PDSS2: variants seen among roughly 807,000 people sequenced by gnomAD.
PDSS2 encodes decaprenyl diphosphate synthase subunit 2.
In PDSS2, 31 loss-of-function variants were observed where a neutral mutation model predicts 44.5. That is an observed-to-expected ratio of 0.70 (90% CI 0.52 to 0.94). PDSS2 has a LOEUF of 0.94. Ranked by LOEUF, PDSS2 falls within the 40% of genes least tolerant of loss-of-function variation. The pLI, the probability that PDSS2 is intolerant of heterozygous loss-of-function variation, is 0.00. For missense variants in PDSS2, 452 were observed against 482.2 expected, an observed-to-expected ratio of 0.94 and a Z score of 0.59; for synonymous variants, 157 against 180.3, an observed-to-expected ratio of 0.87 and a Z score of 1.03.
At chr6:107,240,783 T>G (rs1192557251) in intron 4 of PDSS2, among the ~76,000 whole-genome samples, 1 of 151,956 alleles carries the variant, frequency 6.6e-6, no homozygotes, top group Non-Finnish European at 1.5e-5. Flanking sequence ...TGAGCTAACA[T>G]TTAAAAAGCA....
intron 1 of PDSS2, among the ~76,000 whole-genome samples, chr6:107,380,263 T>C (rs913222360): frequency 2.0e-5 from 3 of 152,152 alleles, no homozygotes; most frequent in African/African-American, 7.2e-5. Flanking sequence ...TCTGTTGACG[T>C]GGTAGGAAGG....
At chr6:107,342,360 C>T (rs1778107516) in intron 1 of PDSS2, among the ~76,000 whole-genome samples, 1 of 152,150 alleles carries the variant, frequency 6.6e-6, no homozygotes, top group Admixed American at 6.5e-5. Flanking sequence ...ACTGGTTCCT[C>T]TTCCTCTTGA....
At chr6:107,302,775 T>C (rs1252559816) in intron 2 of PDSS2, among the ~76,000 whole-genome samples, 1 of 151,614 alleles carries the variant, frequency 6.6e-6, no homozygotes, top group Non-Finnish European at 1.5e-5. Context: ...AGCCGTCAAC[T>C]GCATGTAGCT....
intron 1 of PDSS2, among the ~76,000 whole-genome samples, chr6:107,446,242 G>C (rs1242216234): frequency 4.6e-5 from 7 of 152,040 alleles, no homozygotes; most frequent in African/African-American, 1.7e-4. Flanking sequence ...CTTGAACCCA[G>C]GAGGTGGAGG....
rs570596541 is a variant in PDSS2 at position 107,203,496 on chromosome 6, T to C, written c.1008+6943A>G. 7.2e-5 allele frequency among the ~76,000 whole-genome samples: 11 copies of C among 152,216 alleles called. No homozygotes were observed. The South Asian group carries it at 2.3e-3, about 32-fold the overall frequency. ...TCTCCTTGCTTTTAGTATCTCTTTGTTCCTTTCATCGTATATAATATAGCC... is the reference window on the plus strand; with the variant it reads ...TCTCCTTGCTTTTAGTATCTCTTTGCTCCTTTCATCGTATATAATATAGCC... On this transcript the variant is annotated intron_variant, in intron 6 of 7. Transcript: ENST00000369037.
At chr6:107,379,417 CCTATTTGG>C (rs1465294318) in intron 1 of PDSS2, among the ~76,000 whole-genome samples, 1 of 152,128 alleles carries the variant, frequency 6.6e-6, no homozygotes, top group Non-Finnish European at 1.5e-5. Flanking sequence ...TACAGACCTA[CCTATTTGG>C]CTATGTTGTT....
chr6:107,381,994 T>A (rs564307780), intron 1 of PDSS2, among the ~76,000 whole-genome samples: 6 of 152,288 alleles, frequency 3.9e-5, no homozygotes, highest in Non-Finnish European at 8.8e-5. Flanking sequence ...AGTTGAGAAA[T>A]TTGAACTTTA....
At chr6:107,177,398 A>G (rs994297753) in intron 7 of PDSS2, among the ~76,000 whole-genome samples, 3 of 152,146 alleles carry the variant, frequency 2.0e-5, no homozygotes, top group Admixed American at 1.3e-4. Context: ...TGGCTTCCCA[A>G]ATTGCTGGGA....
intron 1 of PDSS2, among the ~76,000 whole-genome samples, chr6:107,417,917 TCA>T (rs1449455527): frequency 6.6e-6 from 1 of 151,186 alleles, no homozygotes; most frequent in Admixed American, 6.6e-5. Context: ...AAATATATAA[TCA>T]CAGATACAAC....
chr6:107,427,003 G>C (rs1050543295), intron 1 of PDSS2, among the ~76,000 whole-genome samples: 1 of 152,082 alleles, frequency 6.6e-6, no homozygotes, highest in African/African-American at 2.4e-5. Flanking sequence ...GGCATAATTG[G>C]TTTTGAAATG....
intron 1 of PDSS2, among the ~76,000 whole-genome samples, chr6:107,411,785 A>C (rs1337709179): frequency 6.6e-6 from 1 of 151,996 alleles, no homozygotes; most frequent in South Asian, 2.1e-4. Flanking sequence ...TATATAACGG[A>C]ATTGAGCATC....
intron 4 of PDSS2, among the ~76,000 whole-genome samples, chr6:107,241,953 T>C (rs901730064): frequency 5.9e-5 from 9 of 152,196 alleles, no homozygotes; most frequent in Non-Finnish European, 1.0e-4. Context: ...GGAGCCTCTC[T>C]TCCCACATGA....
At chr6:107,266,413 C>G (rs1345407041) in intron 3 of PDSS2, among the ~76,000 whole-genome samples, 1 of 150,120 alleles carries the variant, frequency 6.7e-6, no homozygotes, top group East Asian at 1.9e-4. Context: ...TGAAATTGAC[C>G]TGGTAGAGCC....
intron 3 of PDSS2, among the ~76,000 whole-genome samples, chr6:107,272,253 C>A (rs1413069941): frequency 6.6e-6 from 1 of 151,988 alleles, no homozygotes; most frequent in South Asian, 2.1e-4. Context: ...AGTAATAATT[C>A]TCTGTTAAAA....
intron 7 of PDSS2, among the ~76,000 whole-genome samples, chr6:107,156,272 G>A (rs1190453053): frequency 6.9e-6 from 1 of 144,262 alleles, no homozygotes; most frequent in East Asian, 2.0e-4. Context: ...TCAGCTCACT[G>A]CAAGCTCTGC....
chr6:107,246,921 A>G (rs1008265678), intron 3 of PDSS2, among the ~76,000 whole-genome samples: 1 of 152,170 alleles, frequency 6.6e-6, no homozygotes, highest in Non-Finnish European at 1.5e-5. Context: ...GAAATATTGT[A>G]GCAATATGAG....
rs185129987 is a variant in PDSS2 at position 107,192,349 on chromosome 6, C to T, written c.1041+1473G>A. The T allele has an allele frequency of 1.2e-5, 6 of 514,392 alleles. No individual in the cohort carries two copies. In the East Asian group the frequency reaches 3.5e-4, roughly 30 times the overall value. The allele number at this position is 514,392 out of a possible 1,614,324, so 31.9% of individuals were successfully genotyped here. ...AGAAAGGACTTGACAGCCTCTGAGA[C>T]CCCAAAAGCTGCAGAGTCTGAGACC... On this transcript the variant is annotated intron_variant, in intron 7 of 7. Coordinates refer to ENST00000369037, the MANE Select transcript of PDSS2 (RefSeq NM_020381.4).
chr6:107,409,634 CCTT>C (rs1373392935), intron 1 of PDSS2, among the ~76,000 whole-genome samples: 1 of 152,150 alleles, frequency 6.6e-6, no homozygotes, highest in East Asian at 1.9e-4. Context: ...AATATAATCT[CCTT>C]CTACTACAAC....
chr6:107,447,195 G>C (rs1214478774), intron 1 of PDSS2, among the ~76,000 whole-genome samples: 2 of 152,038 alleles, frequency 1.3e-5, no homozygotes, highest in African/African-American at 4.8e-5. Flanking sequence ...AATTAGCCAG[G>C]CATGGTGGTG....
Sources: gnomAD v4.1 joint callset for allele counts (sites outside exome capture counted in the v4.1 genomes callset) on GRCh38, gnomAD v4.1.1 for gene constraint, MANE v1.5 for transcripts, NCBI Gene and HGNC (gene_info 2026-07-23, HGNC 2026-07-21) for gene names.